TSPAN9: variants seen among roughly 807,000 people sequenced by gnomAD.
TSPAN9 encodes tetraspanin 9, also known as tetraspanin-9.
TSPAN9 carries 16 observed loss-of-function variants against 31.0 expected under a neutral mutation model. The observed-to-expected ratio is 0.52, with a 90% CI of 0.35 to 0.78. The LOEUF is 0.78. Ranked by LOEUF, TSPAN9 falls within the 30% of genes least tolerant of loss-of-function variation. TSPAN9 has a pLI of 0.01. For synonymous variants in TSPAN9, 145 were observed against 121.6 expected, an observed-to-expected ratio of 1.19 and a Z score of -1.27; for missense variants, 272 against 312.5, an observed-to-expected ratio of 0.87 and a Z score of 0.98.
At chr12:3,111,965 A>G (rs563797279) in intron 2 of TSPAN9, among the ~76,000 whole-genome samples, 1 of 152,186 alleles carries the variant, frequency 6.6e-6, no homozygotes, top group East Asian at 1.9e-4. Flanking sequence ...GAGGAGGCTG[A>G]GCTGTAAAGA....
intron 1 of TSPAN9, among the ~76,000 whole-genome samples, chr12:3,078,406 C>T (rs1018506202): frequency 2.0e-5 from 3 of 152,154 alleles, no homozygotes; most frequent in East Asian, 3.9e-4. Flanking sequence ...AAGACTCATG[C>T]GAGGATCCCT....
At chr12:3,221,310 A>C (rs1428365783) in intron 3 of TSPAN9, among the ~76,000 whole-genome samples, 3 of 151,404 alleles carry the variant, frequency 2.0e-5, no homozygotes, top group Non-Finnish European at 4.4e-5. Context: ...ATATTACAAC[A>C]GTTTATTTTC....
At chr12:3,278,660 C>G in intron 4 of TSPAN9, 48 bp downstream of exon 4, 1 of 1,586,232 alleles carries the variant, frequency 6.3e-7, no homozygotes, top group Non-Finnish European at 8.6e-7. Context: ...GATCTCCTTG[C>G]ACTTGGACCC....
chr12:3,227,073 C>A (rs530260764), intron 3 of TSPAN9, among the ~76,000 whole-genome samples: 8 of 151,958 alleles, frequency 5.3e-5, no homozygotes, highest in Admixed American at 4.6e-4. Flanking sequence ...ACTGAATCCT[C>A]GTCCCTGGGC....
At chr12:3,089,865 C>T (rs1240426091) in intron 2 of TSPAN9, among the ~76,000 whole-genome samples, 1 of 151,502 alleles carries the variant, frequency 6.6e-6, no homozygotes, top group Non-Finnish European at 1.5e-5. Context: ...GTGATCACGC[C>T]GCTGTACTCC....
chr12:3,085,201 T>TA (rs1245048351), intron 2 of TSPAN9, among the ~76,000 whole-genome samples: 84 of 139,300 alleles, frequency 6.0e-4, no homozygotes, highest in African/African-American at 8.9e-4. Context: ...TTGTCCCTAT[T>TA]AAAAAAAAAA....
chr12:3,217,403 GATCCTGCCCAGTGTTGCTGGGAATGAGCC>G (rs770209597), intron 3 of TSPAN9, among the ~76,000 whole-genome samples: 8 of 152,288 alleles, frequency 5.3e-5, no homozygotes, highest in East Asian at 3.9e-4. Flanking sequence ...CATCTGGAAA[GATCCTGCCCAGTGTTGCTGGGAATGAGCC>G]ATCCTGCCCA....
intron 2 of TSPAN9, chr12:3,173,338 C>T (rs780436975): frequency 6.6e-6 from 1 of 152,438 alleles, no homozygotes; most frequent in Non-Finnish European, 1.5e-5. Context: ...CTGGGTCTCG[C>T]CTGTGCTATT....
intron 3 of TSPAN9, among the ~76,000 whole-genome samples, chr12:3,221,867 G>C (rs965171552): frequency 6.6e-6 from 1 of 151,974 alleles, no homozygotes; most frequent in Non-Finnish European, 1.5e-5. Flanking sequence ...TGTTGCTTAG[G>C]CTGGTCTCAA....
intron 1 of TSPAN9, among the ~76,000 whole-genome samples, chr12:3,081,844 G>GTGTGTGTGTGTATATATATATATA (rs57812985): frequency 4.3e-5 from 5 of 116,738 alleles, no homozygotes; most frequent in Admixed American, 9.1e-5. Flanking sequence ...GTCTGTGTGT[G>GTGTGTGTGTGTATATATATATATA]TATATATATG....
At chr12:3,137,999 C>T (rs570042148) in intron 2 of TSPAN9, among the ~76,000 whole-genome samples, 5 of 152,272 alleles carry the variant, frequency 3.3e-5, no homozygotes, top group Non-Finnish European at 5.9e-5. Context: ...GTCTGGGTCC[C>T]GCTGTCCCCC....
At chr12:3,155,414 C>T (rs1018545969) in intron 2 of TSPAN9, among the ~76,000 whole-genome samples, 2 of 152,144 alleles carry the variant, frequency 1.3e-5, no homozygotes, top group Non-Finnish European at 2.9e-5. Context: ...ACGAGGAGGC[C>T]TCTCCTGAAT....
At chr12:3,109,986 A>G (rs1471511682) in intron 2 of TSPAN9, among the ~76,000 whole-genome samples, 1 of 152,164 alleles carries the variant, frequency 6.6e-6, no homozygotes, top group Non-Finnish European at 1.5e-5. Flanking sequence ...AGGCTTAGCA[A>G]TCTGCAGCAC....
At chr12:3,177,286 T>C (rs889985255) in intron 2 of TSPAN9, among the ~76,000 whole-genome samples, 4 of 152,032 alleles carry the variant, frequency 2.6e-5, no homozygotes, top group Non-Finnish European at 5.9e-5. Context: ...TACAGGTGCC[T>C]GCCACCATGC....
At chr12:3,249,442 G>A (rs1441292413) in intron 3 of TSPAN9, among the ~76,000 whole-genome samples, 1 of 152,094 alleles carries the variant, frequency 6.6e-6, no homozygotes, top group East Asian at 1.9e-4. Context: ...TGTCTCAAAC[G>A]TTGCTTCTTC....
chr12:3,118,651 C>T (rs2098323716), intron 2 of TSPAN9, among the ~76,000 whole-genome samples: 1 of 151,904 alleles, frequency 6.6e-6, no homozygotes, highest in Admixed American at 6.6e-5. Flanking sequence ...TCAGCTCAGC[C>T]CCACTGCACC....
In TSPAN9 at chr12:3,107,188, G is replaced by A. The variant is rs2073800636; in HGVS notation, c.-18+23469G>A. On this transcript the variant is annotated intron_variant, in intron 2 of 8. Transcript: ENST00000011898. The surrounding 1 kb of genome is among the most constrained non-coding windows in gnomAD (Gnocchi z 4.1). ...GAGCCGCCGGCGGCCCCCTCCGTGG[G>A]GAGTGGGGGAGGGAGGCTCTATCTA... is the stretch of plus-strand genomic sequence containing the variant. 1.3e-5 allele frequency among the ~76,000 whole-genome samples: 2 copies of A among 152,204 alleles called. No homozygotes were observed. Among genetic ancestry groups the A allele is most frequent in the Admixed American group, 6.5e-5 (1 of 15,278 alleles).
chr12:3,260,269 C>T (rs758069717), intron 3 of TSPAN9, among the ~76,000 whole-genome samples: 14 of 152,214 alleles, frequency 9.2e-5, no homozygotes, highest in Non-Finnish European at 1.5e-4. Flanking sequence ...AAGATGATGG[C>T]GTGAATGAGT....
At chr12:3,156,117 G>A (rs773757188) in intron 2 of TSPAN9, among the ~76,000 whole-genome samples, 5 of 152,288 alleles carry the variant, frequency 3.3e-5, no homozygotes, top group Non-Finnish European at 7.4e-5. Flanking sequence ...GTTTTCCTCT[G>A]TTAATAACAG....
Sources: allele counts gnomAD v4.1 joint callset (sites outside exome capture counted in the v4.1 genomes callset), GRCh38; gene constraint gnomAD v4.1.1; non-coding constraint Gnocchi (gnomAD v3.1); transcripts MANE v1.5; gene names NCBI Gene and HGNC (gene_info 2026-07-23, HGNC 2026-07-21).